ADGRL2: variants seen among roughly 807,000 people sequenced by gnomAD.
ADGRL2 encodes adhesion G protein-coupled receptor L2.
ADGRL2 carries 44 observed loss-of-function variants against 157.4 expected under a neutral mutation model. The observed-to-expected ratio is 0.28, with a 90% CI of 0.22 to 0.36. The LOEUF (loss-of-function observed/expected upper bound fraction) is 0.36. ADGRL2 is among the 10% of genes least tolerant of loss of function. ADGRL2 has a pLI of 1.00. For missense variants in ADGRL2, 1,510 were observed against 1,768.9 expected (o/e 0.85, Z 2.63); for synonymous variants, 585 against 624.7 (o/e 0.94, Z 0.95).
chr1:81,941,288 A>G (rs1647876801), intron 4 of ADGRL2, among the ~76,000 whole-genome samples: 1 of 151,556 alleles, frequency 6.6e-6, no homozygotes, highest in East Asian at 1.9e-4. Flanking sequence ...AAATATACTA[A>G]TTCTTAGTGG....
At chr1:81,516,416 T>A (rs961193362) in intron 2 of ADGRL2, among the ~76,000 whole-genome samples, 4 of 152,148 alleles carry the variant, frequency 2.6e-5, no homozygotes, top group African/African-American at 9.7e-5. Flanking sequence ...CAAGATTCTT[T>A]GTTATTTAGA....
At chr1:81,634,535 G>T (rs371333313) in intron 3 of ADGRL2, among the ~76,000 whole-genome samples, 16,148 of 144,310 alleles carry the variant, frequency 0.11, 970 homozygotes, top group Non-Finnish European at 0.14. Context: ...TGGTTTTTTT[G>T]TTTGTTTGTT....
In ADGRL2 at chr1:81,716,327, T is replaced by C. The variant is rs2084115579; in HGVS notation, c.-143+16519T>C. 1.3e-5 allele frequency among the ~76,000 whole-genome samples: 2 copies of C among 152,160 alleles called. 1 individual carries two copies. Among genetic ancestry groups the C allele is most frequent in the South Asian group, 4.1e-4 (2 of 4,832 alleles). On this transcript the variant is annotated intron_variant, in intron 1 of 20. Coordinates refer to the ADGRL2 transcript ENST00000359929. The stretch of plus-strand genomic sequence containing the variant: ...CTTAGATTACTCGAGCTCTATTTTG[T>C]TATCTGTAAAATGGTTACAATAATA...
At chr1:81,737,116 G>A (rs2084927814) in intron 1 of ADGRL2, among the ~76,000 whole-genome samples, 1 of 151,898 alleles carries the variant, frequency 6.6e-6, no homozygotes, top group African/African-American at 2.4e-5. Flanking sequence ...TTACAGGCAT[G>A]AGCCACCATG....
At chr1:81,735,601 C>A (rs1002254358) in intron 1 of ADGRL2, among the ~76,000 whole-genome samples, 9 of 150,994 alleles carry the variant, frequency 6.0e-5, no homozygotes, top group African/African-American at 2.2e-4. Flanking sequence ...AACAGCCTAG[C>A]CAACATGGTG....
At chr1:81,840,358 C>G (rs922895682) in intron 2 of ADGRL2, among the ~76,000 whole-genome samples, 21 of 151,786 alleles carry the variant, frequency 1.4e-4, no homozygotes, top group African/African-American at 5.1e-4. Context: ...TTTTTTTCCT[C>G]CTGTTACAGT....
chr1:81,447,136 G>A (rs2077611892), intron 2 of ADGRL2, among the ~76,000 whole-genome samples: 1 of 152,046 alleles, frequency 6.6e-6, no homozygotes. Flanking sequence ...ATATTGTGAA[G>A]CGCATATATT....
At chr1:81,795,506 A>G (rs905867803), upstream of ADGRL2, among the ~76,000 whole-genome samples, 2 of 152,244 alleles carry the variant, frequency 1.3e-5, no homozygotes, top group African/African-American at 2.4e-5. Context: ...TGAAAACATT[A>G]TAAGTGTTAT....
At chr1:81,630,351 A>T (rs1431315559) in intron 3 of ADGRL2, among the ~76,000 whole-genome samples, 1 of 152,264 alleles carries the variant, frequency 6.6e-6, no homozygotes, top group African/African-American at 2.4e-5. Context: ...CTCTCAGCTA[A>T]TAACTTTTTA....
chr1:81,428,781 T>C (rs1401675863), intron 1 of ADGRL2, among the ~76,000 whole-genome samples: 1 of 152,098 alleles, frequency 6.6e-6, no homozygotes, highest in Non-Finnish European at 1.5e-5. Flanking sequence ...GACAACTACA[T>C]TTCTTCTGGA....
At chr1:81,390,814 C>A (rs374469184) in intron 1 of ADGRL2, among the ~76,000 whole-genome samples, 528 of 152,152 alleles carry the variant, frequency 3.5e-3, no homozygotes, top group Middle Eastern at 0.01. Flanking sequence ...TTTATTTAAC[C>A]AATCCACTGT....
intron 3 of ADGRL2, among the ~76,000 whole-genome samples, chr1:81,629,667 ATGTGTGTGTG>A (rs60497907): frequency 4.7e-5 from 7 of 149,282 alleles, no homozygotes; most frequent in South Asian, 4.2e-4. Context: ...ATGAATGTAT[ATGTGTGTGTG>A]TGTGTGTGTG....
chr1:81,874,996 C>G (rs1024544815), intron 2 of ADGRL2, among the ~76,000 whole-genome samples: 1 of 152,098 alleles, frequency 6.6e-6, no homozygotes, highest in Non-Finnish European at 1.5e-5. Flanking sequence ...TATGAGCCAT[C>G]GAACCTGACC....
chr1:81,553,385 T>G (rs548919322), intron 2 of ADGRL2, among the ~76,000 whole-genome samples: 41 of 152,298 alleles, frequency 2.7e-4, no homozygotes, highest in African/African-American at 9.9e-4. Flanking sequence ...TTTGCAGCTA[T>G]GCAAAAATTT....
chr1:81,521,705 C>T (rs1298954481), intron 2 of ADGRL2, among the ~76,000 whole-genome samples: 1 of 152,144 alleles, frequency 6.6e-6, no homozygotes, highest in Non-Finnish European at 1.5e-5. Context: ...ACAGATTTCT[C>T]AAAGAGTTTT....
intron 1 of ADGRL2, among the ~76,000 whole-genome samples, chr1:81,821,405 T>A (rs950727952): frequency 5.3e-5 from 8 of 152,286 alleles, no homozygotes; most frequent in African/African-American, 1.9e-4. Flanking sequence ...GTTCCTTTCT[T>A]TAGTGGGTCA....
intron 2 of ADGRL2, among the ~76,000 whole-genome samples, chr1:81,885,461 C>T (rs891731063): frequency 5.3e-5 from 8 of 152,308 alleles, no homozygotes; most frequent in South Asian, 4.1e-4. Context: ...CTTGGTTCCA[C>T]GTCTTATCCA....
At chr1:81,960,766 C>T (rs907624910) in intron 11 of ADGRL2, among the ~76,000 whole-genome samples, 9 of 152,140 alleles carry the variant, frequency 5.9e-5, no homozygotes, top group Non-Finnish European at 1.2e-4. Flanking sequence ...AGCCACCGCC[C>T]CTGGCCTTAT....
chr1:81,661,625 G>A (rs139782331), intron 3 of ADGRL2, among the ~76,000 whole-genome samples: 1 of 152,260 alleles, frequency 6.6e-6, no homozygotes, highest in East Asian at 1.9e-4. Flanking sequence ...TCACTCATCT[G>A]TCTTAACTCA....
Sources: allele counts gnomAD v4.1 joint callset (sites outside exome capture counted in the v4.1 genomes callset), GRCh38; gene constraint gnomAD v4.1.1; transcripts MANE v1.5; gene names NCBI Gene and HGNC (gene_info 2026-07-23, HGNC 2026-07-21).